The following SH3RF3 variants were observed in gnomAD, a reference collection of about 807,000 sequenced individuals.
SH3RF3 encodes the protein SH3 domain containing ring finger 3, also known as E3 ubiquitin-protein ligase SH3RF3.
In SH3RF3, 29 loss-of-function variants were observed where a neutral mutation model predicts 66.3. The ratio of observed to expected loss-of-function variants is 0.44; its 90% CI spans 0.33 to 0.60. The LOEUF (loss-of-function observed/expected upper bound fraction) is 0.60. Among genes scored for constraint, SH3RF3 ranks in the 20% least tolerant of loss-of-function variants. The pLI is 0.04. For missense variants in SH3RF3, 1,194 were observed against 1,190.9 expected, an observed-to-expected ratio of 1.00 and a Z score of -0.04; for synonymous variants, 583 against 532.0, an observed-to-expected ratio of 1.10 and a Z score of -1.32.
chr2:109,316,405 G>C (rs1461724707), intron 1 of SH3RF3, among the ~76,000 whole-genome samples: 1 of 152,166 alleles, frequency 6.6e-6, no homozygotes, highest in African/African-American at 2.4e-5. Context: ...CCTGGCTCTG[G>C]CTTCCTGTCT....
rs148669654 is a variant in SH3RF3, at chr2:109,426,151, C to A, written c.1404-6350C>A. ...GTCTAACTCCTGACCTCAAGTGATC[C>A]GTCCGCCTTGGCCTCCCAAAGCGCT... is the stretch of plus-strand genomic sequence containing the variant. On this transcript the variant is annotated intron_variant, in intron 5 of 9. Coordinates refer to ENST00000309415, the MANE Select transcript of SH3RF3 (RefSeq NM_001099289.3). Among the ~76,000 whole-genome samples the A allele has an allele frequency of 4.7e-4, 72 of 152,290 alleles. 1 individual carries two copies. The highest frequency in any genetic ancestry group is 1.3e-3 in the African/African-American group (56 of 41,556).
At chr2:109,394,978 A>G (rs1460802308) in intron 3 of SH3RF3, among the ~76,000 whole-genome samples, 1 of 152,186 alleles carries the variant, frequency 6.6e-6, no homozygotes, top group Non-Finnish European at 1.5e-5. Context: ...GCCCACAAGG[A>G]TGTGTGTGGC....
At chr2:109,327,200 AT>A (rs1682179401) in intron 1 of SH3RF3, among the ~76,000 whole-genome samples, 1 of 152,176 alleles carries the variant, frequency 6.6e-6, no homozygotes, top group South Asian at 2.1e-4. Flanking sequence ...TAAGATGTTA[AT>A]TCAGCTAGAA....
At chr2:109,332,771 A>T (rs60240458) in intron 1 of SH3RF3, among the ~76,000 whole-genome samples, 1 of 152,062 alleles carries the variant, frequency 6.6e-6, no homozygotes, top group Non-Finnish European at 1.5e-5. Context: ...GTGGAGGCAC[A>T]GGTGCTAGTG....
At chr2:109,282,476 G>A (rs1304453049) in intron 1 of SH3RF3, among the ~76,000 whole-genome samples, 1 of 152,176 alleles carries the variant, frequency 6.6e-6, no homozygotes, top group East Asian at 1.9e-4. Context: ...ACTGCAGGAA[G>A]GCCCGAGGGT....
intron 1 of SH3RF3, among the ~76,000 whole-genome samples, chr2:109,246,845 C>T (rs1480926430): frequency 2.0e-5 from 3 of 152,150 alleles, no homozygotes; most frequent in African/African-American, 4.8e-5. Flanking sequence ...GTTGTGACAG[C>T]GATGCTGGGG....
At chr2:109,272,474 A>T (rs1680649117) in intron 1 of SH3RF3, among the ~76,000 whole-genome samples, 1 of 152,188 alleles carries the variant, frequency 6.6e-6, no homozygotes, top group Admixed American at 6.5e-5. Flanking sequence ...GGTGTGTGGG[A>T]CGCAGGGAGC....
rs1318560076 is a variant in SH3RF3 at position 109,502,932 on chromosome 2, C to A, written c.*1261C>A. On this transcript the variant is annotated 3_prime_UTR_variant, in exon 10 of 10. Coordinates refer to ENST00000309415, the MANE Select transcript of SH3RF3 (RefSeq NM_001099289.3). The stretch of plus-strand genomic sequence containing the variant: ...TCCCATTTCAGGCAGTGCAAACCTT[C>A]ATCTGCTGGAGACCAGAGGTACAAG... 1 of 152,212 alleles carries A rather than the reference C, an allele frequency of 6.6e-6. No homozygotes were observed. Among genetic ancestry groups the A allele is most frequent in the Admixed American group, 6.5e-5 (1 of 15,284 alleles). The allele number at this position is 152,212 out of a possible 1,614,324, so 9.4% of individuals were successfully genotyped here.
chr2:109,148,075 G>A (rs1677139924), intron 1 of SH3RF3, among the ~76,000 whole-genome samples: 1 of 152,196 alleles, frequency 6.6e-6, no homozygotes, highest in South Asian at 2.1e-4. Flanking sequence ...GTTCAGGGAA[G>A]GGACCATCTG....
At chr2:109,470,888 T>C (rs1340538891) in intron 8 of SH3RF3, among the ~76,000 whole-genome samples, 1 of 152,142 alleles carries the variant, frequency 6.6e-6, no homozygotes, top group Non-Finnish European at 1.5e-5. Context: ...TGAGGCAGAG[T>C]CAGTGTATTA....
At chr2:109,139,985 G>A (rs1439628925) in intron 1 of SH3RF3, among the ~76,000 whole-genome samples, 1 of 152,192 alleles carries the variant, frequency 6.6e-6, no homozygotes. Context: ...AAAAAAACAG[G>A]AGGGTTTATT....
chr2:109,362,933 G>A (rs1325232290), intron 2 of SH3RF3, among the ~76,000 whole-genome samples: 1 of 152,036 alleles, frequency 6.6e-6, no homozygotes, highest in Non-Finnish European at 1.5e-5. Flanking sequence ...TTGATTTGCT[G>A]TTAATCTGCT....
intron 1 of SH3RF3, among the ~76,000 whole-genome samples, chr2:109,207,901 A>G (rs1276995130): frequency 6.6e-6 from 1 of 152,048 alleles, no homozygotes; most frequent in African/African-American, 2.4e-5. Context: ...CTGTATCATC[A>G]TTTTCCCAGG....
chr2:109,236,346 G>A (rs1412215787), intron 1 of SH3RF3, among the ~76,000 whole-genome samples: 1 of 152,140 alleles, frequency 6.6e-6, no homozygotes, highest in African/African-American at 2.4e-5. Flanking sequence ...TGCCTCCAGA[G>A]TGTGCGAGCA....
chr2:109,437,168 C>T, intron 7 of SH3RF3, 22 bp downstream of exon 7: 1 of 1,589,630 alleles, frequency 6.3e-7, no homozygotes, highest in South Asian at 1.1e-5. Context: ...GGGGCCTCAC[C>T]CTGCAGGGCA....
At chr2:109,161,155 G>A (rs1259786041) in intron 1 of SH3RF3, among the ~76,000 whole-genome samples, 1 of 152,204 alleles carries the variant, frequency 6.6e-6, no homozygotes, top group African/African-American at 2.4e-5. Flanking sequence ...TAAAGCATGA[G>A]CAATGCCAAC....
intron 7 of SH3RF3, 132 bp from the exon 8 acceptor site, chr2:109,449,038 G>C (rs1350536059): frequency 9.2e-7 from 1 of 1,089,874 alleles, no homozygotes; most frequent in Non-Finnish European, 1.3e-6. Flanking sequence ...GGCCAGGTCT[G>C]TCTGGAGAAA....
intron 8 of SH3RF3, among the ~76,000 whole-genome samples, chr2:109,476,551 C>G (rs1678687727): frequency 6.6e-6 from 1 of 152,220 alleles, no homozygotes; most frequent in South Asian, 2.1e-4. Context: ...CTAAAAGATA[C>G]TGGACTTTCC....
Position 109,432,529 on chromosome 2 carries a change from C to T in SH3RF3, c.1432C>T (p.Gln478Ter). Residue 478 changes from glutamine (Q) to a stop codon, truncating the protein, a stop_gained, in exon 6 of 10, where the codon CAG (glutamine) becomes TAG (stop). Coordinates refer to ENST00000309415, the MANE Select transcript of SH3RF3 (RefSeq NM_001099289.3). LOFTEE classifies it high-confidence loss of function. ...VYLALYAYKP[Q>*]KSDELELHKG... ...CCTGGCGCTCTACGCCTACAAGCCC[C>T]AGAAGAGTGACGAGCTGGAGCTGCA... is the stretch of plus-strand genomic sequence containing the variant. 1 of 1,613,662 alleles carries T rather than the reference C, an allele frequency of 6.2e-7. No homozygotes were observed. Among genetic ancestry groups the T allele is most frequent in the African/African-American group, 1.3e-5 (1 of 75,044 alleles).
Sources: gnomAD v4.1 joint callset for allele counts (sites outside exome capture counted in the v4.1 genomes callset) on GRCh38, gnomAD v4.1.1 for gene constraint, MANE v1.5 for transcripts, NCBI Gene and HGNC (gene_info 2026-07-23, HGNC 2026-07-21) for gene names.